The following CA10 variants were observed in gnomAD, a reference collection of about 807,000 sequenced individuals.
CA10 encodes the protein carbonic anhydrase 10 (inactive), also known as carbonic anhydrase-related protein 10.
CA10 carries 14 observed loss-of-function variants against 44.2 expected under a neutral mutation model. The observed-to-expected ratio is 0.32, with a 90% CI of 0.21 to 0.50. CA10 has a LOEUF of 0.50. Ranked by LOEUF, CA10 falls within the 20% of genes least tolerant of loss-of-function variation. CA10 has a pLI of 0.99. For missense variants in CA10, 350 were observed against 409.7 expected, an observed-to-expected ratio of 0.85 and a Z score of 1.26; for synonymous variants, 159 against 141.6, an observed-to-expected ratio of 1.12 and a Z score of -0.87.
intron 2 of CA10, among the ~76,000 whole-genome samples, chr17:52,042,437 G>A (rs1317840868): frequency 1.3e-5 from 2 of 151,778 alleles, no homozygotes; most frequent in Admixed American, 6.6e-5. Context: ...TTTTAAATTA[G>A]GGGTTTTTTT....
intron 2 of CA10, among the ~76,000 whole-genome samples, chr17:51,963,703 GACAA>G (rs1476471420): frequency 5.3e-5 from 8 of 152,136 alleles, no homozygotes; most frequent in African/African-American, 1.4e-4. Context: ...ATATTTTAAA[GACAA>G]ACAAGTGCTG....
intron 4 of CA10, among the ~76,000 whole-genome samples, chr17:51,654,792 G>C (rs1397088998): frequency 1.3e-5 from 2 of 152,016 alleles, no homozygotes; most frequent in Non-Finnish European, 2.9e-5. Context: ...TCCTGACCTC[G>C]TGATCCACCC....
chr17:51,908,925 C>CA (rs1486700658), intron 3 of CA10, among the ~76,000 whole-genome samples: 2 of 152,238 alleles, frequency 1.3e-5, no homozygotes, highest in East Asian at 3.9e-4. Flanking sequence ...GATATCGACA[C>CA]AAAGACATTA....
intron 2 of CA10, among the ~76,000 whole-genome samples, chr17:52,059,517 C>A (rs1017138991): frequency 6.6e-6 from 1 of 152,088 alleles, no homozygotes; most frequent in Non-Finnish European, 1.5e-5. Context: ...CACCCACACA[C>A]ACACTCCCTG....
intron 3 of CA10, among the ~76,000 whole-genome samples, chr17:51,769,473 CGT>C (rs1042365946): frequency 2.0e-5 from 3 of 151,918 alleles, no homozygotes; most frequent in African/African-American, 7.3e-5. Flanking sequence ...TGACTCACAC[CGT>C]GTGTGTGTAT....
intron 1 of CA10, among the ~76,000 whole-genome samples, chr17:52,090,334 TAA>T (rs1988225606): frequency 6.6e-6 from 1 of 152,102 alleles, no homozygotes; most frequent in Non-Finnish European, 1.5e-5. Context: ...CAAGATTTTT[TAA>T]AAAGACTTAC....
At chr17:51,923,430 T>C (rs1000712768) in intron 3 of CA10, among the ~76,000 whole-genome samples, 9 of 152,222 alleles carry the variant, frequency 5.9e-5, no homozygotes, top group Non-Finnish European at 7.3e-5. Flanking sequence ...GCCAAGATGA[T>C]TGATTTGCTA....
rs140210307 is a variant in CA10 at position 51,961,825 on chromosome 17, G to A, written c.137-30693C>T. ...TACTGTGCGTAGATTCTGGTGCAGC[G>A]ATGCCCTCTCTGCTCCGTGCCCAAG... On this transcript the variant is annotated intron_variant, in intron 2 of 8. Coordinates refer to ENST00000451037, the MANE Select transcript of CA10 (RefSeq NM_020178.5). Among the ~76,000 whole-genome samples the A allele has an allele frequency of 2.7e-3, 412 of 152,294 alleles. 1 individual carries two copies. Among genetic ancestry groups the A allele is most frequent in the African/African-American group, 9.5e-3 (395 of 41,570 alleles).
chr17:51,799,676 G>C (rs1374771133), intron 3 of CA10, among the ~76,000 whole-genome samples: 1 of 152,114 alleles, frequency 6.6e-6, no homozygotes, highest in Non-Finnish European at 1.5e-5. Flanking sequence ...ACTAGACTAG[G>C]GTAAAGGCTC....
At chr17:51,875,918 T>A (rs1980050861) in intron 3 of CA10, among the ~76,000 whole-genome samples, 1 of 152,154 alleles carries the variant, frequency 6.6e-6, no homozygotes, top group African/African-American at 2.4e-5. Flanking sequence ...AATATAAAAC[T>A]TTTTGGAGTC....
chr17:52,111,639 C>A (rs1234175765), intron 1 of CA10, among the ~76,000 whole-genome samples: 1 of 152,136 alleles, frequency 6.6e-6, no homozygotes, highest in Non-Finnish European at 1.5e-5. Context: ...AATCCCCAGG[C>A]ACTCAGGGAT....
intron 4 of CA10, among the ~76,000 whole-genome samples, chr17:51,717,603 ATACATG>A (rs1489593242): frequency 3.5e-5 from 4 of 114,162 alleles, no homozygotes; most frequent in African/African-American, 1.3e-4. Flanking sequence ...GTGTATATAT[ATACATG>A]TATACATGTA....
At chr17:52,022,194 T>C (rs1401734843) in intron 2 of CA10, among the ~76,000 whole-genome samples, 2 of 151,962 alleles carry the variant, frequency 1.3e-5, no homozygotes, top group Non-Finnish European at 2.9e-5. Flanking sequence ...AACACAGATA[T>C]GAAAATCCTC....
chr17:51,921,362 T>C (rs1982224628), intron 3 of CA10, among the ~76,000 whole-genome samples: 1 of 152,210 alleles, frequency 6.6e-6, no homozygotes, highest in Non-Finnish European at 1.5e-5. Flanking sequence ...TATTTTGAAT[T>C]GAAGTCTGGC....
At chr17:51,698,043 G>T (rs1369527924) in intron 4 of CA10, among the ~76,000 whole-genome samples, 1 of 152,150 alleles carries the variant, frequency 6.6e-6, no homozygotes, top group Non-Finnish European at 1.5e-5. Flanking sequence ...TGTACTTGAA[G>T]TCCTATGGGG....
chr17:52,091,621 T>G (rs1988268693), intron 1 of CA10, among the ~76,000 whole-genome samples: 1 of 152,174 alleles, frequency 6.6e-6, no homozygotes, highest in Admixed American at 6.5e-5. Flanking sequence ...GGGTGATTGA[T>G]GAGGAGGACA....
At chr17:51,803,547 C>T (rs1390279337) in intron 3 of CA10, among the ~76,000 whole-genome samples, 1 of 152,054 alleles carries the variant, frequency 6.6e-6, no homozygotes, top group Non-Finnish European at 1.5e-5. Context: ...TTATTTCTAC[C>T]TTTTTTGGGT....
intron 2 of CA10, among the ~76,000 whole-genome samples, chr17:51,952,018 T>A (rs1311086473): frequency 1.3e-5 from 2 of 152,330 alleles, no homozygotes; most frequent in East Asian, 3.9e-4. Flanking sequence ...CAAAACATTG[T>A]GATGTTCAAA....
chr17:52,027,201 A>G (rs1986329104), intron 2 of CA10, among the ~76,000 whole-genome samples: 1 of 152,040 alleles, frequency 6.6e-6, no homozygotes, highest in African/African-American at 2.4e-5. Context: ...CTCCTGTGAG[A>G]ATCTAATGCA....
Sources: gnomAD v4.1 joint callset for allele counts (sites outside exome capture counted in the v4.1 genomes callset) on GRCh38, gnomAD v4.1.1 for gene constraint, MANE v1.5 for transcripts, NCBI Gene and HGNC (gene_info 2026-07-23, HGNC 2026-07-21) for gene names.